Variants in CAV3 observed in about 807,000 individuals in gnomAD.
The protein encoded by CAV3 is caveolin 3.
A neutral mutation model predicts 13.4 loss-of-function variants in CAV3; 10 were observed. That is an observed-to-expected ratio of 0.75 (90% CI 0.46 to 1.27). CAV3 has a LOEUF of 1.27. Ranked by LOEUF, CAV3 falls within the 50% of genes most tolerant of loss-of-function variation. The pLI is 0.00. For synonymous variants in CAV3, 90 were observed against 79.0 expected (o/e 1.14, Z -0.74); for missense variants, 162 against 194.0 (o/e 0.83, Z 0.98).
At chr3:8,734,805 A>T (rs1269079701) in intron 1 of CAV3, among the ~76,000 whole-genome samples, 4 of 151,978 alleles carry the variant, frequency 2.6e-5, no homozygotes. Flanking sequence ...TGCAGCCTCA[A>T]CCTCCCAGGC....
Sources: allele counts gnomAD v4.1 joint callset (sites outside exome capture counted in the v4.1 genomes callset), GRCh38; gene constraint gnomAD v4.1.1; transcripts MANE v1.5; gene names NCBI Gene and HGNC (gene_info 2026-07-23, HGNC 2026-07-21).